Variants in CES5A observed in about 807,000 individuals in gnomAD.
CES5A encodes carboxylesterase 5A, also known as carboxylesterase 5.
In CES5A, 67 loss-of-function variants were observed where a neutral mutation model predicts 62.9. The observed-to-expected ratio is 1.07, with a 90% confidence interval of 0.88 to 1.31. The LOEUF is 1.31. CES5A is among the 50% of genes most tolerant of loss of function. CES5A has a pLI of 0.00. For missense variants in CES5A, 748 were observed against 708.5 expected, an observed-to-expected ratio of 1.06 and a Z score of -0.63; for synonymous variants, 296 against 280.8, an observed-to-expected ratio of 1.05 and a Z score of -0.54.
intron 2 of CES5A, among the ~76,000 whole-genome samples, chr16:55,943,806 A>G (rs2034467885): frequency 6.6e-6 from 1 of 152,196 alleles, no homozygotes; most frequent in African/African-American, 2.4e-5. Flanking sequence ...AAGGGCTTTA[A>G]CCACAGTGTG....
chr16:55,852,116 AG>A (rs1216476195), intron 10 of CES5A, among the ~76,000 whole-genome samples: 2 of 152,226 alleles, frequency 1.3e-5, no homozygotes, highest in Non-Finnish European at 2.9e-5. Context: ...AACGTTCTGA[AG>A]ATGTATAGCG....
At chr16:55,850,548 C>T (rs867182584) in intron 10 of CES5A, among the ~76,000 whole-genome samples, 32 of 152,242 alleles carry the variant, frequency 2.1e-4, no homozygotes, top group East Asian at 1.2e-3. Flanking sequence ...TTGTAGCATC[C>T]GTCCGTATTT....
At chr16:55,866,408 C>T (rs1404647029) in intron 4 of CES5A, among the ~76,000 whole-genome samples, 1 of 152,054 alleles carries the variant, frequency 6.6e-6, no homozygotes, top group Admixed American at 6.5e-5. Flanking sequence ...TCCATGAATC[C>T]TGTGTTGCCC....
chr16:55,852,489 G>A (rs1297215873), intron 10 of CES5A, among the ~76,000 whole-genome samples: 1 of 152,158 alleles, frequency 6.6e-6, no homozygotes, highest in African/African-American at 2.4e-5. Flanking sequence ...TAAAATAGTT[G>A]ATTTAAAGTC....
intron 8 of CES5A, among the ~76,000 whole-genome samples, chr16:55,859,106 C>T (rs751165083): frequency 2.0e-5 from 3 of 152,190 alleles, no homozygotes; most frequent in Non-Finnish European, 4.4e-5. Context: ...AATGATTTAA[C>T]AATTTTGCAG....
In CES5A at chr16:55,938,662, G is replaced by A. The variant is rs553810929; in HGVS notation, c.160+11123C>T. Among the ~76,000 whole-genome samples, 206 of 138,840 alleles carry A rather than the reference G, an allele frequency of 1.5e-3. 3 individuals carry two copies. The highest frequency in any genetic ancestry group is 5.1e-3 in the African/African-American group (191 of 37,298). 91.1% of individuals were successfully genotyped at this position (138,840 alleles called of 152,430 possible). ...TGAGGCAGGAGAATGGTGTGAACCC[G>A]GGGGCAGAGCTTGCAGTGAGCCAAG... is the stretch of plus-strand genomic sequence containing the variant. On this transcript the variant is annotated intron_variant, in intron 2 of 13. Coordinates refer to the CES5A transcript ENST00000521992.
intron 1 of CES5A, among the ~76,000 whole-genome samples, chr16:55,910,098 C>T (rs1597145912): frequency 6.6e-6 from 1 of 152,240 alleles, no homozygotes; most frequent in Admixed American, 6.5e-5. Flanking sequence ...TGAGAAGGGA[C>T]ACCTGCCATT....
At chr16:55,931,603 A>G (rs1335870464) in intron 2 of CES5A, among the ~76,000 whole-genome samples, 1 of 152,138 alleles carries the variant, frequency 6.6e-6, no homozygotes, top group South Asian at 2.1e-4. Flanking sequence ...TCCTTTATGC[A>G]TGCCACTTCT....
At chr16:55,854,327 C>CA (rs1407384913) in intron 9 of CES5A, among the ~76,000 whole-genome samples, 5 of 152,066 alleles carry the variant, frequency 3.3e-5, no homozygotes, top group African/African-American at 1.2e-4. Flanking sequence ...AAATGTCCTT[C>CA]TGCTCAGTTG....
At chr16:55,897,557 C>T (rs557872987) in intron 1 of CES5A, among the ~76,000 whole-genome samples, 1 of 152,238 alleles carries the variant, frequency 6.6e-6, no homozygotes, top group Admixed American at 6.5e-5. Flanking sequence ...CAGGCAAGAG[C>T]CTGGATCAGA....
rs1425567999 is a variant in CES5A, at chr16:55,951,145, C to CT, written c.43-1244dup. 1.0e-3 allele frequency among the ~76,000 whole-genome samples: 139 copies of CT among 134,508 alleles called. 1 individual carries two copies. The highest frequency in any genetic ancestry group is 3.8e-3 in the African/African-American group (134 of 35,494). 88.2% of individuals were successfully genotyped at this position (134,508 alleles called of 152,430 possible). ...AAAAAAAAAAAGACCCACACTTAAG[C>CT]TTTTTTTGGAAACATTTACAAGGAA... On this transcript the variant is annotated intron_variant, in intron 1 of 13. Coordinates refer to the CES5A transcript ENST00000521992.
chr16:55,878,724 C>T (rs2033726098), upstream of CES5A, among the ~76,000 whole-genome samples: 1 of 149,836 alleles, frequency 6.7e-6, no homozygotes, highest in Admixed American at 6.6e-5. Flanking sequence ...ATGACTGCAC[C>T]CCCACCACTG....
rs1187326389 is a variant in CES5A, at chr16:55,921,636, GAA to G, written c.-256+3685_-256+3686del. 8.9e-3 allele frequency among the ~76,000 whole-genome samples: 554 copies of G among 61,956 alleles called. 6 individuals carry two copies. The highest frequency in any genetic ancestry group is 0.024 in the African/African-American group (528 of 21,566). The allele number at this position is 61,956 out of a possible 152,430, so 40.6% of individuals were successfully genotyped here. ...CTAAGAGAAGTTCTTCAATCTGAAA[GAA>G]AAAAAAAAAAAAAAACCATTGAAGT... On this transcript the variant is annotated intron_variant, in intron 1 of 12. Transcript: ENST00000518005.
At chr16:55,886,636 A>G (rs1306728585) in intron 1 of CES5A, among the ~76,000 whole-genome samples, 1 of 152,206 alleles carries the variant, frequency 6.6e-6, no homozygotes, top group Non-Finnish European at 1.5e-5. Context: ...AGCCCTCACC[A>G]TAGCACTATC....
At chr16:55,884,309 C>A (rs563875267) in intron 1 of CES5A, among the ~76,000 whole-genome samples, 4 of 152,188 alleles carry the variant, frequency 2.6e-5, no homozygotes, top group African/African-American at 9.6e-5. Flanking sequence ...GCACCTCTGT[C>A]GACAGTCTGT....
intron 2 of CES5A, among the ~76,000 whole-genome samples, chr16:55,872,891 G>T (rs1196117591): frequency 2.0e-5 from 3 of 152,108 alleles, no homozygotes; most frequent in Non-Finnish European, 2.9e-5. Context: ...GATGACAGCT[G>T]TGACTCAACC....
chr16:55,893,091 G>A (rs1179001464), intron 1 of CES5A, among the ~76,000 whole-genome samples: 1 of 152,114 alleles, frequency 6.6e-6, no homozygotes, highest in African/African-American at 2.4e-5. Flanking sequence ...TGAGTAAGTA[G>A]TAGCACTGAG....
chr16:55,928,252 A>G (rs1365360534), upstream of CES5A, among the ~76,000 whole-genome samples: 12 of 152,174 alleles, frequency 7.9e-5, no homozygotes, highest in African/African-American at 2.9e-4. Flanking sequence ...CAAAAAAAAA[A>G]AATCATCTTT....
chr16:55,875,401 CTT>C, upstream of CES5A: 1 of 1,369,474 alleles, frequency 7.3e-7, no homozygotes, highest in Non-Finnish European at 9.5e-7. Context: ...CTAAGCAAGA[CTT>C]TCCTGTTCTG....
Sources: allele counts gnomAD v4.1 joint callset (sites outside exome capture counted in the v4.1 genomes callset), GRCh38; gene constraint gnomAD v4.1.1; transcripts MANE v1.5; gene names NCBI Gene and HGNC (gene_info 2026-07-23, HGNC 2026-07-21).